The following KIFC3 variants were observed in gnomAD, a reference collection of about 807,000 sequenced individuals.
KIFC3 encodes kinesin family member C3, also known as kinesin-like protein KIFC3.
Under a neutral mutation model 101.8 loss-of-function variants are expected in KIFC3, and 60 were observed. The ratio of observed to expected loss-of-function variants is 0.59; its 90% CI spans 0.48 to 0.73. The LOEUF (loss-of-function observed/expected upper bound fraction) is 0.73. KIFC3 is among the 30% of genes least tolerant of loss of function. The probability of loss-of-function intolerance (pLI) is 0.00; values close to 1 mark genes in which losing one functional copy is unlikely to be tolerated. For synonymous variants in KIFC3, 476 were observed against 482.7 expected (o/e 0.99, Z 0.18); for missense variants, 966 against 1,137.1 (o/e 0.85, Z 2.16).
intron 1 of KIFC3, among the ~76,000 whole-genome samples, chr16:57,812,900 C>A (rs1178092149): frequency 6.6e-6 from 1 of 152,208 alleles, no homozygotes; most frequent in African/African-American, 2.4e-5. Flanking sequence ...TGCAGCTGCC[C>A]AAGAGGCAAC....
chr16:57,822,658 TTGCA>T (rs2055376567), intron 1 of KIFC3, among the ~76,000 whole-genome samples: 1 of 151,712 alleles, frequency 6.6e-6, no homozygotes, highest in Non-Finnish European at 1.5e-5. Flanking sequence ...GATCACACCA[TTGCA>T]CTCCAGCCTG....
At chr16:57,783,320 C>T (rs2052937037) in intron 3 of KIFC3, among the ~76,000 whole-genome samples, 1 of 152,032 alleles carries the variant, frequency 6.6e-6, no homozygotes, top group South Asian at 2.1e-4. Context: ...ATCAATAGGC[C>T]TGTTGGAGTG....
At chr16:57,818,395 C>T (rs2055277846) in intron 1 of KIFC3, among the ~76,000 whole-genome samples, 1 of 152,158 alleles carries the variant, frequency 6.6e-6, no homozygotes, top group Non-Finnish European at 1.5e-5. Context: ...GAATGGATAT[C>T]CCTCTGTCAC....
upstream of KIFC3, chr16:57,802,568 G>GGGGCGGC: frequency 1.9e-5 from 19 of 992,856 alleles, no homozygotes; most frequent in Non-Finnish European, 2.3e-5. This position sits in a 1 kb window ranked among gnomAD's most constrained non-coding sequence, Gnocchi z 5.0. Flanking sequence ...ACCCCGGCGG[G>GGGGCGGC]GGGCGGCGGC....
chr16:57,776,383 T>G (rs1361841284), intron 3 of KIFC3: 3 of 984,914 alleles, frequency 3.0e-6, no homozygotes. Flanking sequence ...TGTTGCCAAG[T>G]CTTCACCTCT....
chr16:57,859,300 C>T (rs563721007), intron 1 of KIFC3, among the ~76,000 whole-genome samples: 48 of 152,272 alleles, frequency 3.2e-4, no homozygotes, highest in African/African-American at 9.9e-4. Context: ...GAAATGTCTA[C>T]GCTAAAGACA....
intron 9 of KIFC3, 138 bp from the exon 10 acceptor site, chr16:57,767,123 C>T (rs1040889081): frequency 9.8e-5 from 64 of 653,480 alleles, no homozygotes; most frequent in Non-Finnish European, 1.4e-4. Flanking sequence ...TCAGACTGTC[C>T]CAATCACCCC....
chr16:57,805,127 A>T (rs2054905906), upstream of KIFC3, among the ~76,000 whole-genome samples: 1 of 151,414 alleles, frequency 6.6e-6, no homozygotes, highest in Non-Finnish European at 1.5e-5. Flanking sequence ...CACCGTGCCC[A>T]GCATGACTCA....
In KIFC3 at chr16:57,847,760, T is replaced by TTGTGTGTGTGTGTG. The variant is rs35081728; in HGVS notation, c.108+14955_108+14968dup. On this transcript the variant is annotated intron_variant, in intron 1 of 2. Transcript: ENST00000563028. ...GATTAAGTCCAGATGCCAGATGAAT[T>TTGTGTGTGTGTGTG]TGTGTGTGTGTGTGTGTGTGTGTGT... 4.0e-4 allele frequency among the ~76,000 whole-genome samples: 56 copies of TTGTGTGTGTGTGTG among 139,708 alleles called. 1 individual carries two copies. The highest frequency in any genetic ancestry group is 5.3e-4 in the African/African-American group (20 of 37,628). 91.7% of individuals were successfully genotyped at this position (139,708 alleles called of 152,430 possible). A position where few individuals can be genotyped will look rare whatever the true frequency, so the allele number is the denominator to read the frequency against.
At chr16:57,760,247 G>A (rs1490774195) in intron 17 of KIFC3, 35 bp downstream of exon 17, 1 of 1,592,504 alleles carries the variant, frequency 6.3e-7, no homozygotes, top group African/African-American at 1.3e-5. Flanking sequence ...TCTGACCCAG[G>A]GCCACCTGAG....
chr16:57,816,360 G>A lies in KIFC3; in HGVS notation c.109-18078C>T, dbSNP rs535854002. On this transcript the variant is annotated intron_variant, in intron 1 of 2. Coordinates refer to the KIFC3 transcript ENST00000563028. ...AGGATCCTGGGGCCTGCCCCTCCTG[G>A]CTTCCTCTTGAGGAAGGCCTCAGAA... is the stretch of plus-strand genomic sequence containing the variant. The A allele has an allele frequency of 6.8e-6, 6 of 886,798 alleles. No individual in the cohort carries two copies. The East Asian group carries it at 3.1e-4, about 45-fold the overall frequency. The allele number at this position is 886,798 out of a possible 1,614,324, so 54.9% of individuals were successfully genotyped here. A position where few individuals can be genotyped will look rare whatever the true frequency, so the allele number is the denominator to read the frequency against.
intron 1 of KIFC3, among the ~76,000 whole-genome samples, chr16:57,833,738 G>T (rs1555479812): frequency 6.6e-6 from 1 of 152,128 alleles, no homozygotes; most frequent in East Asian, 1.9e-4. Context: ...TTACTGAAGA[G>T]GAATTTATGG....
At chr16:57,804,740 C>T (rs925303120), upstream of KIFC3, among the ~76,000 whole-genome samples, 3 of 151,744 alleles carry the variant, frequency 2.0e-5, no homozygotes, top group Admixed American at 2.0e-4. Context: ...CAGGCACACA[C>T]CAGTGTGCCT....
At chr16:57,856,180 A>T (rs1040140061) in intron 1 of KIFC3, among the ~76,000 whole-genome samples, 31 of 141,764 alleles carry the variant, frequency 2.2e-4, no homozygotes, top group African/African-American at 7.6e-4. Flanking sequence ...ATTTAAATTT[A>T]AAAAAAAAGA....
At chr16:57,763,162 G>A (rs1421553604) in intron 12 of KIFC3, among the ~76,000 whole-genome samples, 4 of 152,186 alleles carry the variant, frequency 2.6e-5, no homozygotes, top group African/African-American at 9.7e-5. Flanking sequence ...AGGGCCCTCT[G>A]TGGGGGCAGG....
chr16:57,805,338 A>G (rs547911201), upstream of KIFC3, among the ~76,000 whole-genome samples: 1 of 152,330 alleles, frequency 6.6e-6, no homozygotes. Flanking sequence ...ACCAACTCCA[A>G]GGTCATTTCT....
intron 12 of KIFC3, among the ~76,000 whole-genome samples, chr16:57,762,814 A>T (rs1460082168): frequency 6.6e-6 from 1 of 151,896 alleles, no homozygotes; most frequent in African/African-American, 2.4e-5. Flanking sequence ...TTCTGATAGC[A>T]CCTCTCACTC....
chr16:57,838,367 C>A (rs1290297544), intron 1 of KIFC3, among the ~76,000 whole-genome samples: 3 of 152,126 alleles, frequency 2.0e-5, no homozygotes. Flanking sequence ...CTCGCAGCCA[C>A]GCAATTTTTG....
chr16:57,808,856 T>C (rs1250998641), intron 1 of KIFC3, among the ~76,000 whole-genome samples: 3 of 152,238 alleles, frequency 2.0e-5, no homozygotes, highest in South Asian at 2.1e-4. Flanking sequence ...CATTGAGTTA[T>C]GGTGAGATGT....
Sources: allele counts gnomAD v4.1 joint callset (sites outside exome capture counted in the v4.1 genomes callset), GRCh38; gene constraint gnomAD v4.1.1; non-coding constraint Gnocchi (gnomAD v3.1); transcripts MANE v1.5; gene names NCBI Gene and HGNC (gene_info 2026-07-23, HGNC 2026-07-21).